Variants in CTNNA3 observed in about 807,000 individuals in gnomAD.
The protein encoded by CTNNA3 is catenin alpha 3, also known as catenin alpha-3.
In CTNNA3, 76 loss-of-function variants were observed where a neutral mutation model predicts 95.7. The ratio of observed to expected loss-of-function variants is 0.79; its 90% CI spans 0.66 to 0.96. The LOEUF (loss-of-function observed/expected upper bound fraction) is 0.96, where lower values mean the gene tolerates loss of function less well. Ranked by LOEUF, CTNNA3 falls within the 40% of genes least tolerant of loss-of-function variation. The pLI is 0.00. For synonymous variants in CTNNA3, 431 were observed against 374.4 expected (o/e 1.15, Z -1.74); for missense variants, 1,191 against 1,089.8 (o/e 1.09, Z -1.31).
intron 7 of CTNNA3, chr10:67,097,973 C>A: frequency 1.6e-6 from 1 of 611,952 alleles, no homozygotes; most frequent in East Asian, 2.8e-5. Flanking sequence ...TGTTTTAAGT[C>A]TACACTTTGT....
chr10:66,256,783 A>G (rs1031412931), intron 13 of CTNNA3, among the ~76,000 whole-genome samples: 3 of 152,100 alleles, frequency 2.0e-5, no homozygotes, highest in African/African-American at 7.2e-5. Flanking sequence ...ACATGGCGAC[A>G]GCACTGGCAC....
At chr10:66,328,609 C>G (rs1435142753) in intron 12 of CTNNA3, among the ~76,000 whole-genome samples, 5 of 151,788 alleles carry the variant, frequency 3.3e-5, no homozygotes, top group Admixed American at 2.0e-4. Context: ...CATTTTATTA[C>G]TTAAGTCTGT....
intron 1 of CTNNA3, among the ~76,000 whole-genome samples, chr10:67,659,546 T>A (rs1188884314): frequency 6.6e-6 from 1 of 152,208 alleles, no homozygotes; most frequent in African/African-American, 2.4e-5. Flanking sequence ...GAAGGTTACC[T>A]ACATATTTTT....
At chr10:67,581,533 G>GTCTC in intron 3 of CTNNA3, among the ~76,000 whole-genome samples, 2 of 152,244 alleles carry the variant, frequency 1.3e-5, no homozygotes, top group South Asian at 4.1e-4. Flanking sequence ...TGTTTGTTGT[G>GTCTC]TCTCTTCCAG....
intron 7 of CTNNA3, among the ~76,000 whole-genome samples, chr10:66,835,467 G>A (rs1842856047): frequency 6.6e-6 from 1 of 152,152 alleles, no homozygotes; most frequent in African/African-American, 2.4e-5. Context: ...CTGACTCTTA[G>A]GCCAGCTAAA....
intron 5 of CTNNA3, among the ~76,000 whole-genome samples, chr10:67,258,905 T>A (rs1018686908): frequency 1.3e-5 from 2 of 152,220 alleles, no homozygotes; most frequent in African/African-American, 4.8e-5. Flanking sequence ...GTCTCTTATA[T>A]AAAATAGCAT....
At chr10:67,362,334 A>C (rs953892927) in intron 5 of CTNNA3, among the ~76,000 whole-genome samples, 1 of 152,144 alleles carries the variant, frequency 6.6e-6, no homozygotes, top group South Asian at 2.1e-4. Context: ...AGAAAACTAC[A>C]GGCCAACATC....
At chr10:66,894,219 G>A (rs1845385827) in intron 7 of CTNNA3, among the ~76,000 whole-genome samples, 1 of 152,004 alleles carries the variant, frequency 6.6e-6, no homozygotes, top group Admixed American at 6.6e-5. Context: ...AAGCTGAGTT[G>A]CAGAGATGGT....
At chr10:67,143,753 C>T (rs925179489) in intron 7 of CTNNA3, among the ~76,000 whole-genome samples, 8 of 152,236 alleles carry the variant, frequency 5.3e-5, no homozygotes, top group African/African-American at 1.7e-4. Context: ...TATTCCTCCC[C>T]TGCTTTAATT....
chr10:65,956,549 A>G (rs1786914), intron 17 of CTNNA3, among the ~76,000 whole-genome samples: 71,588 of 151,496 alleles, frequency 0.47, 17,379 homozygotes, highest in East Asian at 0.7. Context: ...CCCTCTACAC[A>G]CTGCTTTAAA....
chr10:67,727,620 T>G (rs1016703593), intron 1 of CTNNA3, among the ~76,000 whole-genome samples: 1 of 129,596 alleles, frequency 7.7e-6, no homozygotes, highest in African/African-American at 2.9e-5. Context: ...ATATGCAATA[T>G]ATGGTCTATT....
At chr10:66,265,663 C>A (rs1011433722) in intron 13 of CTNNA3, among the ~76,000 whole-genome samples, 1 of 151,946 alleles carries the variant, frequency 6.6e-6, no homozygotes, top group African/African-American at 2.4e-5. Context: ...CTGCCTGAAA[C>A]ATTCCTTCAG....
intron 7 of CTNNA3, among the ~76,000 whole-genome samples, chr10:66,843,997 T>C: frequency 6.6e-6 from 1 of 152,220 alleles, no homozygotes; most frequent in Non-Finnish European, 1.5e-5. Flanking sequence ...ATATCTCTAT[T>C]ATAGCTATAA....
chr10:67,220,043 A>C (rs1864580081), intron 5 of CTNNA3, among the ~76,000 whole-genome samples, 173 bp from the exon 6 acceptor site: 1 of 152,206 alleles, frequency 6.6e-6, no homozygotes, highest in Non-Finnish European at 1.5e-5. Flanking sequence ...AGTTTCTGTT[A>C]AAAATTCTGC....
At position 67,706,220 on chromosome 10, in the gene CTNNA3, A is replaced by C. The variant is rs540040512; in HGVS notation, c.-2+57214T>G. On this transcript the variant is annotated intron_variant, in intron 1 of 17. Transcript: ENST00000684154. ...CAGGCATACTTTGAGGTGTAGATTA[A>C]CTGTCTGTCATCTCTCAAAACAGTT... Among the ~76,000 whole-genome samples the C allele has an allele frequency of 6.6e-5, 10 of 151,852 alleles. No homozygotes were observed. In the South Asian group the frequency reaches 2.1e-3, roughly 32 times the overall value.
chr10:66,953,859 G>A (rs941205708), intron 7 of CTNNA3, among the ~76,000 whole-genome samples: 5 of 152,102 alleles, frequency 3.3e-5, no homozygotes, highest in African/African-American at 1.2e-4. Flanking sequence ...TCAACCAGAA[G>A]AGCTATGTGA....
intron 7 of CTNNA3, among the ~76,000 whole-genome samples, chr10:66,871,477 T>C (rs1459698489): frequency 6.7e-6 from 1 of 148,474 alleles, no homozygotes; most frequent in African/African-American, 2.5e-5. Flanking sequence ...CAGGAGAATC[T>C]CTTGCACCTG....
intron 13 of CTNNA3, among the ~76,000 whole-genome samples, chr10:66,266,918 C>A (rs953012346): frequency 1.3e-5 from 2 of 151,998 alleles, no homozygotes; most frequent in African/African-American, 4.8e-5. Context: ...TTTAGTGAGG[C>A]ATAAATGGTA....
chr10:66,501,829 T>A (rs1048839256), intron 11 of CTNNA3, among the ~76,000 whole-genome samples: 1 of 152,132 alleles, frequency 6.6e-6, no homozygotes, highest in Non-Finnish European at 1.5e-5. Flanking sequence ...CAGATTTGCT[T>A]ATGAAGGGGC....
Sources: allele counts gnomAD v4.1 joint callset (sites outside exome capture counted in the v4.1 genomes callset), GRCh38; gene constraint gnomAD v4.1.1; transcripts MANE v1.5; gene names NCBI Gene and HGNC (gene_info 2026-07-23, HGNC 2026-07-21).